Variants in NAA16 observed in about 807,000 individuals in gnomAD.
NAA16 encodes N-alpha-acetyltransferase 16, NatA auxiliary subunit, also known as NARG1-like protein.
A neutral mutation model predicts 110.3 loss-of-function variants in NAA16; 97 were observed. The ratio of observed to expected loss-of-function variants is 0.88; its 90% CI spans 0.75 to 1.04. The LOEUF (loss-of-function observed/expected upper bound fraction) is 1.04, where lower values mean the gene tolerates loss of function less well. Among genes scored for constraint, NAA16 ranks in the 50% least tolerant of loss-of-function variants. The pLI is 0.00. For synonymous variants in NAA16, 372 were observed against 330.6 expected, an observed-to-expected ratio of 1.13 and a Z score of -1.36; for missense variants, 1,017 against 1,005.1, an observed-to-expected ratio of 1.01 and a Z score of -0.16.
At chr13:41,321,551 A>C (rs2041947038) in intron 4 of NAA16, among the ~76,000 whole-genome samples, 1 of 152,200 alleles carries the variant, frequency 6.6e-6, no homozygotes, top group Admixed American at 6.5e-5. Context: ...TACAAATTTG[A>C]TAAACTAATA....
chr13:41,373,676 T>G lies in NAA16; in HGVS notation c.2195T>G (p.Val732Gly). Residue 732 changes from valine (V) to glycine (G), a missense_variant, in exon 18 of 20, where the codon GTT (valine) becomes GGT (glycine). By Grantham distance (109) the Val-to-Gly change is moderately radical. Coordinates refer to ENST00000379406, the MANE Select transcript of NAA16 (RefSeq NM_024561.5). The stretch of plus-strand genomic sequence containing the variant: ...AATCTTCCAGACATTGTGAGCAAAG[T>G]TCTATCTCAAGAAATGCAGAAAATA... ...HSNLPDIVSK[V>G]LSQEMQKIFV... 6.2e-7 allele frequency: 1 copy of G among 1,610,538 alleles called. No individual in the cohort carries two copies. Among genetic ancestry groups the G allele is most frequent in the South Asian group, 1.1e-5 (1 of 90,240 alleles).
At chr13:41,320,138 T>G (rs543459043) in intron 3 of NAA16, among the ~76,000 whole-genome samples, 1 of 152,350 alleles carries the variant, frequency 6.6e-6, no homozygotes, top group East Asian at 1.9e-4. Flanking sequence ...TACTTTAATT[T>G]ATAAGAAATA....
intron 10 of NAA16, 62 bp from the exon 11 acceptor site, chr13:41,358,242 G>C (rs2043036761): frequency 2.9e-6 from 4 of 1,386,744 alleles, no homozygotes; most frequent in Non-Finnish European, 4.0e-6. Context: ...AATTAGGAGA[G>C]AGAAAATATG....
At chr13:41,367,117 G>A (rs1338952490) in intron 13 of NAA16, among the ~76,000 whole-genome samples, 2 of 152,140 alleles carry the variant, frequency 1.3e-5, no homozygotes, top group African/African-American at 2.4e-5. Context: ...TATGGAGGAA[G>A]AGTATTTCAT....
intron 2 of NAA16, 53 bp downstream of exon 2, chr13:41,316,983 C>T: frequency 8.2e-7 from 1 of 1,215,598 alleles, no homozygotes; most frequent in Non-Finnish European, 1.2e-6. Context: ...TAAAACCAGG[C>T]ATTAACAGTG....
chr13:41,359,114 C>T, intron 12 of NAA16, 152 bp downstream of exon 12: 1 of 688,330 alleles, frequency 1.5e-6, no homozygotes, highest in South Asian at 2.5e-5. Flanking sequence ...AACCCATATC[C>T]TAAGAATGGT....
intron 13 of NAA16, 126 bp from the exon 14 acceptor site, chr13:41,367,313 G>C: frequency 1.6e-6 from 1 of 613,424 alleles, no homozygotes; most frequent in South Asian, 2.2e-5. Context: ...AAACATTGGA[G>C]AGGGCAGCTA....
intron 15 of NAA16, among the ~76,000 whole-genome samples, chr13:41,371,233 A>G (rs1452340391): frequency 6.6e-6 from 1 of 152,224 alleles, no homozygotes; most frequent in Non-Finnish European, 1.5e-5. Context: ...GCCAGAAAAC[A>G]GATGGACATT....
intron 9 of NAA16, among the ~76,000 whole-genome samples, chr13:41,347,251 AT>A (rs2042711326): frequency 1.3e-5 from 2 of 151,244 alleles, no homozygotes; most frequent in Non-Finnish European, 2.9e-5. Context: ...AAAAAAAGAA[AT>A]CAGGAAGTGT....
chr13:41,332,747 G>A (rs920415009), intron 8 of NAA16, among the ~76,000 whole-genome samples: 1 of 152,020 alleles, frequency 6.6e-6, no homozygotes, highest in African/African-American at 2.4e-5. Flanking sequence ...AAATACTTGG[G>A]TTATAAGTTT....
In NAA16 at chr13:41,376,545, G is replaced by C. The variant is rs1356793202; in HGVS notation, c.*943G>C. 3 of 152,172 alleles carry C rather than the reference G, an allele frequency of 2.0e-5. No homozygotes were observed. Among genetic ancestry groups the C allele is most frequent in the African/African-American group, 7.2e-5 (3 of 41,438 alleles). 9.4% of individuals were successfully genotyped at this position (152,172 alleles called of 1,614,324 possible). A position where few individuals can be genotyped will look rare whatever the true frequency, so the allele number is the denominator to read the frequency against. Reference sequence around the variant, plus strand: ...CCCAGTCTTAAAAGCCCACAGGCAAGAATTAATGCTTTCTTAACTAAGTTA... The same window carrying C: ...CCCAGTCTTAAAAGCCCACAGGCAACAATTAATGCTTTCTTAACTAAGTTA... On this transcript the variant is annotated 3_prime_UTR_variant, in exon 20 of 20. Coordinates refer to ENST00000379406, the MANE Select transcript of NAA16 (RefSeq NM_024561.5).
intron 19 of NAA16, 28 bp downstream of exon 19, chr13:41,374,867 T>G: frequency 7.3e-7 from 1 of 1,370,516 alleles, no homozygotes. Flanking sequence ...GGCTGATTTA[T>G]GCTTACACAG....
chr13:41,373,632 T>TA lies in NAA16; in HGVS notation c.2156-4dup, dbSNP rs780921892. ...CAAAAAATCCAAATGTTTTTGTTTT[T>TA]ATAGTGTCTAATCATAGTAATCTTC... On this transcript the variant is annotated splice_polypyrimidine_tract_variant and splice_region_variant and intron_variant, in intron 17 of 19. Coordinates refer to ENST00000379406, the MANE Select transcript of NAA16 (RefSeq NM_024561.5). 3 of 1,572,900 alleles carry TA rather than the reference T, an allele frequency of 1.9e-6. No individual in the cohort carries two copies. The South Asian group carries it at 3.6e-5, about 19-fold the overall frequency.
chr13:41,335,477 C>T (rs1566262496), intron 8 of NAA16, among the ~76,000 whole-genome samples: 3 of 152,028 alleles, frequency 2.0e-5, no homozygotes. Context: ...TCGTTGTATA[C>T]CAGAGGAATT....
At chr13:41,317,073 TTA>T (rs2041829229) in intron 2 of NAA16, 143 bp downstream of exon 2, 2 of 615,236 alleles carry the variant, frequency 3.3e-6, no homozygotes, top group African/African-American at 1.8e-5. Context: ...TTTTAATGCT[TTA>T]TATGAGTCTT....
chr13:41,336,657 A>G lies in NAA16; in HGVS notation c.915A>G (p.Arg305=), dbSNP rs376736621. 11 of 1,581,758 alleles carry G rather than the reference A, an allele frequency of 7.0e-6. No individual in the cohort carries two copies. The African/African-American group carries it at 1.4e-4, about 19-fold the overall frequency. The change falls in exon 9 of 20, where the codon AGA becomes AGG. Residue 305 remains arginine (R), a synonymous_variant. Coordinates refer to ENST00000379406, the MANE Select transcript of NAA16 (RefSeq NM_024561.5). ...GTACGCTTTTGTTTCTAGGTGAAAGATTTAGAGAACTAATGGATAAGTTCC... is the reference window on the plus strand; with the variant it reads ...GTACGCTTTTGTTTCTAGGTGAAAGGTTTAGAGAACTAATGGATAAGTTCC... ...RLPLTLVPGE[R]FRELMDKFLR...
rs189801925 is a variant in NAA16, at chr13:41,359,731, T to C, written c.1410+769T>C. Among the ~76,000 whole-genome samples the C allele has an allele frequency of 6.6e-5, 10 of 151,472 alleles. No individual in the cohort carries two copies. In the East Asian group the frequency reaches 1.7e-3, roughly 26 times the overall value. ...ATGGAAAGCAAACCTTTCACACTTA[T>C]ACAAGAAAATATAAAGGAGCTTAGG... is the stretch of plus-strand genomic sequence containing the variant. On this transcript the variant is annotated intron_variant, in intron 12 of 19. Coordinates refer to ENST00000379406, the MANE Select transcript of NAA16 (RefSeq NM_024561.5).
chr13:41,371,127 T>G (rs1642401419), intron 15 of NAA16, among the ~76,000 whole-genome samples: 1 of 152,286 alleles, frequency 6.6e-6, no homozygotes, highest in Non-Finnish European at 1.5e-5. Flanking sequence ...AGCTAATAGA[T>G]GCCACACCAG....
chr13:41,324,706 T>C (rs894684217), intron 5 of NAA16, among the ~76,000 whole-genome samples: 1 of 151,558 alleles, frequency 6.6e-6, no homozygotes, highest in Non-Finnish European at 1.5e-5. Flanking sequence ...TTACTTTTTT[T>C]CTAGAGACAG....
Sources: allele counts gnomAD v4.1 joint callset (sites outside exome capture counted in the v4.1 genomes callset), GRCh38; gene constraint gnomAD v4.1.1; transcripts MANE v1.5; gene names NCBI Gene and HGNC (gene_info 2026-07-23, HGNC 2026-07-21).